The following SEPSECS variants were observed in gnomAD, a reference collection of about 807,000 sequenced individuals.
SEPSECS encodes O-phosphoseryl-tRNA(Sec) selenium transferase.
SEPSECS carries 42 observed loss-of-function variants against 52.1 expected under a neutral mutation model. The observed-to-expected ratio is 0.81, with a 90% CI of 0.63 to 1.04. The LOEUF is 1.04. Ranked by LOEUF, SEPSECS falls within the 50% of genes least tolerant of loss-of-function variation. The pLI is 0.00. For synonymous variants in SEPSECS, 216 were observed against 211.4 expected (o/e 1.02, Z -0.19); for missense variants, 590 against 610.6 (o/e 0.97, Z 0.36).
At chr4:25,136,677 T>C (rs1728856012) in intron 8 of SEPSECS, among the ~76,000 whole-genome samples, 1 of 152,114 alleles carries the variant, frequency 6.6e-6, no homozygotes, top group African/African-American at 2.4e-5. Flanking sequence ...TTCATCAAAC[T>C]ACCGTTGACA....
At chr4:25,157,303 G>C (rs1712727069) in intron 2 of SEPSECS, among the ~76,000 whole-genome samples, 1 of 152,124 alleles carries the variant, frequency 6.6e-6, no homozygotes, top group African/African-American at 2.4e-5. Context: ...TGGCCAGGAA[G>C]AATCTAGCAG....
intron 1 of SEPSECS, chr4:25,159,602 T>C (rs1401980275): frequency 2.5e-6 from 1 of 395,280 alleles, no homozygotes; most frequent in Non-Finnish European, 5.1e-6. Flanking sequence ...TGAAACCCCA[T>C]CTCTACTAAA....
In SEPSECS at chr4:25,123,406, A is replaced by T. The variant is rs1728212981; in HGVS notation, c.*525T>A. On this transcript the variant is annotated 3_prime_UTR_variant, in exon 11 of 11. Coordinates refer to ENST00000382103, the MANE Select transcript of SEPSECS (RefSeq NM_016955.4). The stretch of plus-strand genomic sequence containing the variant: ...CTGCAGATGCTGTTCAGATAAGCGA[A>T]TCATCCCCAGTTGAGACCCACTGCT... 6.0e-6 allele frequency: 1 copy of T among 166,092 alleles called. No individual in the cohort carries two copies. Among genetic ancestry groups the T allele is most frequent in the Non-Finnish European group, 1.3e-5 (1 of 75,744 alleles). 10.3% of individuals were successfully genotyped at this position (166,092 alleles called of 1,614,324 possible).
In SEPSECS at chr4:25,121,487, T is replaced by C. The variant is rs1334083939; in HGVS notation, c.*2444A>G. ...CACTGCCTTCGTCACAGTACAAAGA[T>C]AACAAAGGCCAATTATGAGGCTTAC... On this transcript the variant is annotated 3_prime_UTR_variant, in exon 11 of 11. Transcript: ENST00000382103. The C allele has an allele frequency of 6.6e-6, 1 of 152,134 alleles. No homozygotes were observed. Among genetic ancestry groups the C allele is most frequent in the Non-Finnish European group, 1.5e-5 (1 of 67,986 alleles). 9.4% of individuals were successfully genotyped at this position (152,134 alleles called of 1,614,324 possible).
chr4:25,127,192 C>T lies in SEPSECS; in HGVS notation c.1120+72G>A, dbSNP rs965507724. On this transcript the variant is annotated intron_variant, in intron 9 of 10. Coordinates refer to ENST00000382103, the MANE Select transcript of SEPSECS (RefSeq NM_016955.4). ...TTATAACTAGAAAGAGTTTTCTCTC[C>T]TTCTAGAAGTATCAGCTTCCTCCTA... The T allele has an allele frequency of 5.5e-5, 49 of 898,418 alleles. 1 individual carries two copies. The Middle Eastern group carries it at 4.1e-3, about 76-fold the overall frequency. 55.7% of individuals were successfully genotyped at this position (898,418 alleles called of 1,614,324 possible).
chr4:25,149,543 A>G (rs1036845167), intron 6 of SEPSECS, among the ~76,000 whole-genome samples: 2 of 152,228 alleles, frequency 1.3e-5, no homozygotes, highest in Non-Finnish European at 2.9e-5. Flanking sequence ...TATGCATATA[A>G]AAAGAGAAAA....
At chr4:25,159,492 G>A (rs1290540242) in intron 1 of SEPSECS, 3 of 362,722 alleles carry the variant, frequency 8.3e-6, no homozygotes, top group Non-Finnish European at 1.6e-5. Context: ...TTTTGGCCAC[G>A]CGCTGTAGCT....
At chr4:25,139,486 A>C (rs1192164956) in intron 8 of SEPSECS, among the ~76,000 whole-genome samples, 1 of 145,804 alleles carries the variant, frequency 6.9e-6, no homozygotes, top group African/African-American at 2.6e-5. Context: ...TCCTGGGTTC[A>C]AGTGATTCTC....
chr4:25,150,577 TA>T (rs369829370), intron 6 of SEPSECS, among the ~76,000 whole-genome samples: 28 of 147,426 alleles, frequency 1.9e-4, no homozygotes, highest in African/African-American at 4.7e-4. Flanking sequence ...TGTCACTACG[TA>T]AAAAAAAAAC....
intron 8 of SEPSECS, among the ~76,000 whole-genome samples, chr4:25,133,767 A>G (rs913258999): frequency 1.5e-4 from 23 of 152,160 alleles, no homozygotes; most frequent in African/African-American, 5.5e-4. Context: ...ATATAGTTGA[A>G]TATTTAGAGA....
At position 25,157,539 on chromosome 4, in the gene SEPSECS, CTTTTT is replaced by C. The variant is rs143797424; in HGVS notation, c.270-570_270-566del. Among the ~76,000 whole-genome samples the C allele has an allele frequency of 8.0e-5, 11 of 137,214 alleles. No homozygotes were observed. In the East Asian group the frequency reaches 1.7e-3, roughly 21 times the overall value. 90.0% of individuals were successfully genotyped at this position (137,214 alleles called of 152,430 possible). Reference sequence around the variant, plus strand: ...TAGAATACATGAAATATTAAATTATCTTTTTTTTTTTTTTTTTCGTTTTGAGACGG... The same window carrying C: ...TAGAATACATGAAATATTAAATTATCTTTTTTTTTTTTCGTTTTGAGACGG... On this transcript the variant is annotated intron_variant, in intron 2 of 10. Transcript: ENST00000382103.
At chr4:25,146,611 A>G (rs1711979018) in intron 6 of SEPSECS, among the ~76,000 whole-genome samples, 1 of 152,248 alleles carries the variant, frequency 6.6e-6, no homozygotes, top group Non-Finnish European at 1.5e-5. Context: ...CAGAAGTACT[A>G]GAGGAATCAA....
rs267607036 is a variant in SEPSECS at position 25,144,799 on chromosome 4, T to C, written c.1001A>G (p.Tyr334Cys). The change falls in exon 8 of 11, where the codon TAT (tyrosine) becomes TGT (cysteine). Residue 334 changes from tyrosine (Y) to cysteine (C), a missense_variant. By Grantham distance (194) the Tyr-to-Cys change is radical. Coordinates refer to ENST00000382103, the MANE Select transcript of SEPSECS (RefSeq NM_016955.4). ...ITLLSLGSNG[Y>C]KKLLKERKEM... ...CTTTCTTTCTTTTAGTAGCTTCTTATAGCCATTTGATCCAAGTGACAATAA... is the reference window on the plus strand; with the variant it reads ...CTTTCTTTCTTTTAGTAGCTTCTTACAGCCATTTGATCCAAGTGACAATAA... 4 of 1,612,408 alleles carry C rather than the reference T, an allele frequency of 2.5e-6. No individual in the cohort carries two copies. Among genetic ancestry groups the C allele is most frequent in the Middle Eastern group, 3.3e-4 (2 of 6,056 alleles).
intron 3 of SEPSECS, 57 bp downstream of exon 3, chr4:25,156,799 A>G (rs2109035463): frequency 1.2e-6 from 1 of 820,018 alleles, no homozygotes; most frequent in African/African-American, 1.7e-5. Context: ...GAAATGAGTC[A>G]GTGGTGTGTG....
Position 25,145,084 on chromosome 4 carries a change from T to C in SEPSECS, c.854A>G (p.Asn285Ser), listed in dbSNP as rs1373099081. 1.2e-6 allele frequency: 2 copies of C among 1,613,800 alleles called. No homozygotes were observed. Among genetic ancestry groups the C allele is most frequent in the African/African-American group, 2.7e-5 (2 of 74,898 alleles). The stretch of plus-strand genomic sequence containing the variant: ...AGCACCACCTACTGGAACCATAAAA[T>C]TTTTGTCCAAGCTCTGAACAAAAGC... ...IDAFVQSLDK[N>S]FMVPVGGAII... Residue 285 changes from asparagine to serine, a missense_variant, in exon 7 of 11, where the codon AAT becomes AGT. Physicochemically the swap from Asn to Ser is conservative, Grantham distance 46. Coordinates refer to ENST00000382103, the MANE Select transcript of SEPSECS (RefSeq NM_016955.4).
upstream of SEPSECS, chr4:25,160,536 T>G (rs1713021058): frequency 4.6e-5 from 25 of 545,244 alleles, no homozygotes; most frequent in Non-Finnish European, 4.2e-5. Flanking sequence ...TTCGTGCACA[T>G]GCGCAGACCT....
chr4:25,156,296 A>G (rs1712631135), intron 3 of SEPSECS, 101 bp from the exon 4 acceptor site: 19 of 1,079,170 alleles, frequency 1.8e-5, no homozygotes, highest in Non-Finnish European at 2.6e-5. Context: ...TAAGAGTCGT[A>G]GCCCTAGGGC....
intron 8 of SEPSECS, among the ~76,000 whole-genome samples, chr4:25,136,260 A>G (rs550013296): frequency 1.3e-5 from 2 of 152,324 alleles, no homozygotes; most frequent in South Asian, 4.1e-4. Context: ...GAGGAAGTCA[A>G]ACTGTCTCTG....
intron 1 of SEPSECS, chr4:25,159,876 ATACAGTC>A: frequency 9.0e-7 from 1 of 1,117,024 alleles, no homozygotes; most frequent in Non-Finnish European, 1.1e-6. Flanking sequence ...TCGAGTTAGC[ATACAGTC>A]TACAAACACC....
Sources: gnomAD v4.1 joint callset for allele counts (sites outside exome capture counted in the v4.1 genomes callset) on GRCh38, gnomAD v4.1.1 for gene constraint, MANE v1.5 for transcripts, NCBI Gene and HGNC (gene_info 2026-07-23, HGNC 2026-07-21) for gene names.